The following KRT4 variants were observed in gnomAD, a reference collection of about 807,000 sequenced individuals.
KRT4 encodes keratin, type II cytoskeletal 4.
Under a neutral mutation model 50.6 loss-of-function variants are expected in KRT4, and 47 were observed. The observed-to-expected ratio is 0.93, with a 90% CI of 0.73 to 1.18. The LOEUF is 1.18. Ranked by LOEUF, KRT4 falls within the 50% of genes most tolerant of loss-of-function variation. The pLI, the probability that KRT4 is intolerant of heterozygous loss-of-function variation, is 0.00. For synonymous variants in KRT4, 254 were observed against 251.2 expected (o/e 1.01, Z -0.10); for missense variants, 651 against 645.7 (o/e 1.01, Z -0.09).
chr12:52,808,469 G>GGGTCC (rs1565683781), intron 5 of KRT4, 50 bp from the exon 6 acceptor site: 4 of 1,611,088 alleles, frequency 2.5e-6, no homozygotes, highest in African/African-American at 1.3e-5. Flanking sequence ...CATTTGGGTA[G>GGGTCC]GGTCCATTCT....
chr12:52,807,180 C>G lies in KRT4; in HGVS notation c.1452G>C (p.Leu484=), dbSNP rs1439886467. The G allele has an allele frequency of 9.3e-6, 15 of 1,614,048 alleles. No homozygotes were observed. Among genetic ancestry groups the G allele is most frequent in the African/African-American group, 1.3e-5 (1 of 74,926 alleles). Residue 484 remains leucine (L), a synonymous_variant, in exon 9 of 9, where the codon CTG becomes CTC. Coordinates refer to ENST00000551956, the MANE Select transcript of KRT4 (RefSeq NM_002272.4). ...CAGAGCCGGAGCCAAAGCCACTACT[C>G]AGGCCAAACCCGGAGCCACTTCCTA... ...GGLGSGSGFG[L]SSGFGSGSGS...
intron 6 of KRT4, 152 bp downstream of exon 6, chr12:52,808,142 A>G (rs371319150): frequency 6.5e-5 from 67 of 1,036,072 alleles, no homozygotes; most frequent in South Asian, 5.6e-4. Flanking sequence ...ATATTGCTGA[A>G]AAAATCTGGG....
chr12:52,810,167 C>T (rs1939883375), intron 3 of KRT4, among the ~76,000 whole-genome samples: 1 of 152,160 alleles, frequency 6.6e-6, no homozygotes, highest in Non-Finnish European at 1.5e-5. Context: ...TATGTTATCC[C>T]AGCAATGGAT....
Position 52,808,338 on chromosome 12 carries a change from T to C in KRT4, c.1081A>G (p.Met361Val). The C allele has an allele frequency of 1.2e-6, 2 of 1,614,102 alleles. No individual in the cohort carries two copies. Among genetic ancestry groups the C allele is most frequent in the Non-Finnish European group, 1.7e-6 (2 of 1,180,018 alleles). Residue 361 changes from methionine (M) to valine (V), a missense_variant, in exon 6 of 9, where the codon ATG (methionine) becomes GTG (valine). Coordinates refer to ENST00000551956, the MANE Select transcript of KRT4 (RefSeq NM_002272.4). Reference sequence around the variant, plus strand: ...ATCTCTGCCCGCAGCCTCTGGATCATCCTGTTGAGCTCTGCAATTTCACTC... The same window carrying C: ...ATCTCTGCCCGCAGCCTCTGGATCACCCTGTTGAGCTCTGCAATTTCACTC... ...TKSEIAELNR[M>V]IQRLRAEIEN...
chr12:52,809,404 G>A lies in KRT4; in HGVS notation c.813C>T (p.Phe271=), dbSNP rs1939867306. The A allele has an allele frequency of 6.2e-7, 1 of 1,613,892 alleles. No homozygotes were observed. Among genetic ancestry groups the A allele is most frequent in the Non-Finnish European group, 8.5e-7 (1 of 1,179,740 alleles). ...KVDSLNDEIN[F]LKVLYDAELS... is the part of the protein sequence containing the mutation. The stretch of plus-strand genomic sequence containing the variant: ...TCACCGCATCATAGAGGACCTTCAG[G>A]AAGTTGATCTCGTCATTAAGACTGT... The change falls in exon 4 of 9, where the codon TTC becomes TTT. Residue 271 remains phenylalanine, a synonymous_variant. Transcript: ENST00000551956.
At chr12:52,807,516 T>C in intron 7 of KRT4, 123 bp from the exon 8 acceptor site, 1 of 1,479,966 alleles carries the variant, frequency 6.8e-7, no homozygotes, top group Non-Finnish European at 9.4e-7. Flanking sequence ...GTGAACCTAT[T>C]AGCTGAGCTG....
chr12:52,808,149 T>A lies in KRT4; in HGVS notation c.1125+145A>T, dbSNP rs368450583. On this transcript the variant is annotated intron_variant, in intron 6 of 8. Coordinates refer to ENST00000551956, the MANE Select transcript of KRT4 (RefSeq NM_002272.4). ...CAACTAGGATATTGCTGAAAAAATC[T>A]GGGTATGCCTTGCACAAAGAGCTAT... 1.0e-5 allele frequency: 11 copies of A among 1,065,902 alleles called. No homozygotes were observed. The African/African-American group carries it at 1.7e-4, about 17-fold the overall frequency. The allele number at this position is 1,065,902 out of a possible 1,614,324, so 66.0% of individuals were successfully genotyped here. A position where few individuals can be genotyped will look rare whatever the true frequency, so the allele number is the denominator to read the frequency against.
chr12:52,812,051 A>G, intron 1 of KRT4, 74 bp from the exon 2 acceptor site: 1 of 1,187,336 alleles, frequency 8.4e-7, no homozygotes, highest in Non-Finnish European at 1.2e-6. Context: ...GGCAACACCA[A>G]CCCAGTCAAT....
In KRT4 at chr12:52,808,367, G is replaced by T. The variant is rs1343144114; in HGVS notation, c.1052C>A (p.Thr351Asn). The stretch of plus-strand genomic sequence containing the variant: ...GTTGAGCTCTGCAATTTCACTCTTG[G>T]TGTTCTTCAGGTTGTCACCATGTTG... ...VDQHGDNLKNTKSEIAELNRM... is the reference protein window; with the variant it reads ...VDQHGDNLKNNKSEIAELNRM... The change falls in exon 6 of 9, where the codon ACC becomes AAC. Residue 351 changes from threonine to asparagine, a missense_variant. Transcript: ENST00000551956. 10 of 1,613,968 alleles carry T rather than the reference G, an allele frequency of 6.2e-6. No individual in the cohort carries two copies. The highest frequency in any genetic ancestry group is 8.5e-6 in the Non-Finnish European group (10 of 1,180,024).
At chr12:52,809,118 GA>G (rs887468898) in intron 4 of KRT4, 49 of 616,546 alleles carry the variant, frequency 7.9e-5, no homozygotes, top group East Asian at 2.5e-4. Flanking sequence ...CATTTCACCA[GA>G]AAAAAAATGC....
chr12:52,812,825 A>T (rs1430178481), intron 1 of KRT4, among the ~76,000 whole-genome samples: 1 of 152,242 alleles, frequency 6.6e-6, no homozygotes, highest in Non-Finnish European at 1.5e-5. Context: ...AAAAGTGTTC[A>T]TTCTTGCCCC....
chr12:52,809,636 C>T (rs542950497), intron 3 of KRT4, among the ~76,000 whole-genome samples, 158 bp from the exon 4 acceptor site: 25 of 152,310 alleles, frequency 1.6e-4, no homozygotes, highest in African/African-American at 6.0e-4. Context: ...ATATTCTTCC[C>T]TAGAGCCACC....
intron 5 of KRT4, 33 bp from the exon 6 acceptor site, chr12:52,808,452 T>TTAGGGGCATTTGGG: frequency 6.2e-7 from 1 of 1,612,240 alleles, no homozygotes; most frequent in Non-Finnish European, 8.5e-7. Flanking sequence ...GAACCAGGTG[T>TTAGGGGCATTTGGG]TAGGGGCATT....
Position 52,807,988 on chromosome 12 carries a change from C to G in KRT4, c.1126-124G>C, listed in dbSNP as rs1466423541. The G allele has an allele frequency of 3.3e-6, 3 of 908,014 alleles. No individual in the cohort carries two copies. In the African/African-American group the frequency reaches 4.9e-5, roughly 15 times the overall value. The allele number at this position is 908,014 out of a possible 1,614,324, so 56.2% of individuals were successfully genotyped here. ...GTCAAGATTCTATCTGTTCTGCCCA[C>G]TTTCCCTGAGACTTATGCATCTCAT... is the stretch of plus-strand genomic sequence containing the variant. On this transcript the variant is annotated intron_variant, in intron 6 of 8. Coordinates refer to ENST00000551956, the MANE Select transcript of KRT4 (RefSeq NM_002272.4).
rs780498757 is a variant in KRT4, at chr12:52,807,413, C to T, written c.1347-20G>A. On this transcript the variant is annotated intron_variant, in intron 7 of 8. Coordinates refer to ENST00000551956, the MANE Select transcript of KRT4 (RefSeq NM_002272.4). ...GACATTCTGTAGGGGAAAGAAAAGG[C>T]GGTGAGCCTCAGGGAGCACAGAATT... The T allele has an allele frequency of 1.1e-5, 17 of 1,613,998 alleles. No individual in the cohort carries two copies. The highest frequency in any genetic ancestry group is 2.2e-5 in the East Asian group (1 of 44,906).
In KRT4 at chr12:52,808,426, C is replaced by T; in HGVS notation, c.1000-7G>A. The stretch of plus-strand genomic sequence containing the variant: ...AGATCTGGAGCTGCTGGACCTAAGA[C>T]TCAAGAAGACACAGAGAACCAGGTG... On this transcript the variant is annotated splice_region_variant and splice_polypyrimidine_tract_variant and intron_variant, in intron 5 of 8. Coordinates refer to ENST00000551956, the MANE Select transcript of KRT4 (RefSeq NM_002272.4). The T allele has an allele frequency of 6.2e-7, 1 of 1,613,544 alleles. No individual in the cohort carries two copies. The highest frequency in any genetic ancestry group is 8.5e-7 in the Non-Finnish European group (1 of 1,180,022).
rs1416524668 is a variant in KRT4, at chr12:52,813,880, C to T, written c.179G>A (p.Ser60Asn). 3.7e-6 allele frequency: 4 copies of T among 1,094,634 alleles called. No homozygotes were observed. Among genetic ancestry groups the T allele is most frequent in the Non-Finnish European group, 4.4e-6 (4 of 899,384 alleles). The allele number at this position is 1,094,634 out of a possible 1,614,324, so 67.8% of individuals were successfully genotyped here. The change falls in exon 1 of 9, where the codon AGC becomes AAC. Residue 60 changes from serine to asparagine, a missense_variant. By Grantham distance (46) the Ser-to-Asn change is conservative (BLOSUM62 1). Coordinates refer to ENST00000551956, the MANE Select transcript of KRT4 (RefSeq NM_002272.4). ...RSLYNLRGNK[S>N]ISMSVAGSRQ... ...TGACCCAGCCACACTCATGGAGATG[C>T]TTTTGTTCCCCCTGAGGTTGTAGAG...
chr12:52,806,668 T>G lies in KRT4; in HGVS notation c.*401A>C. ...GCTTGCAGGGCCAAGTGCTGCCGGGTGTTGGAGAAGTAGTTTGGTTCTGAT... is the reference window on the plus strand; with the variant it reads ...GCTTGCAGGGCCAAGTGCTGCCGGGGGTTGGAGAAGTAGTTTGGTTCTGAT... On this transcript the variant is annotated 3_prime_UTR_variant, in exon 9 of 9. Transcript: ENST00000551956. 3 of 272,288 alleles carry G rather than the reference T, an allele frequency of 1.1e-5. No individual in the cohort carries two copies. The highest frequency in any genetic ancestry group is 1.5e-5 in the Non-Finnish European group (2 of 137,656). 16.9% of individuals were successfully genotyped at this position (272,288 alleles called of 1,614,324 possible). A position where few individuals can be genotyped will look rare whatever the true frequency, so the allele number is the denominator to read the frequency against.
rs1445091332 is a variant in KRT4 at position 52,807,176 on chromosome 12, T to C, written c.1456A>G (p.Ser486Gly). 6.2e-7 allele frequency: 1 copy of C among 1,614,092 alleles called. No individual in the cohort carries two copies. The highest frequency in any genetic ancestry group is 1.3e-5 in the African/African-American group (1 of 75,016). ...LGSGSGFGLS[S>G]GFGSGSGSGF... ...CTTCCAGAGCCGGAGCCAAAGCCAC[T>C]ACTCAGGCCAAACCCGGAGCCACTT... Residue 486 changes from serine (S) to glycine (G), a missense_variant, in exon 9 of 9, where the codon AGT becomes GGT. Coordinates refer to ENST00000551956, the MANE Select transcript of KRT4 (RefSeq NM_002272.4).
Sources: allele counts gnomAD v4.1 joint callset (sites outside exome capture counted in the v4.1 genomes callset), GRCh38; gene constraint gnomAD v4.1.1; transcripts MANE v1.5; gene names NCBI Gene and HGNC (gene_info 2026-07-23, HGNC 2026-07-21).